ABR: variants seen among roughly 807,000 people sequenced by gnomAD.
ABR encodes active breakpoint cluster region-related protein.
Under a neutral mutation model 107.2 loss-of-function variants are expected in ABR, and 35 were observed. The ratio of observed to expected loss-of-function variants is 0.33; its 90% CI spans 0.25 to 0.43. ABR has a LOEUF of 0.43. Among genes scored for constraint, ABR ranks in the 20% least tolerant of loss-of-function variants. The pLI, the probability that ABR is intolerant of heterozygous loss-of-function variation, is 1.00. For missense variants in ABR, 815 were observed against 1,115.2 expected (o/e 0.73, Z 3.83); for synonymous variants, 498 against 462.0 (o/e 1.08, Z -1.00).
chr17:1,016,286 T>C (rs2071147856), intron 16 of ABR, among the ~76,000 whole-genome samples: 1 of 152,020 alleles, frequency 6.6e-6, no homozygotes, highest in Non-Finnish European at 1.5e-5. Context: ...CACTAGAGTC[T>C]TTTACTTTCT....
At chr17:1,093,863 A>T (rs1446111221) in intron 3 of ABR, among the ~76,000 whole-genome samples, 1 of 152,172 alleles carries the variant, frequency 6.6e-6, no homozygotes. Flanking sequence ...AGACACCCAG[A>T]TGGTGCTCTG....
At position 1,148,988 on chromosome 17, in the gene ABR, G is replaced by T. The variant is rs954732937; in HGVS notation, c.62-23621C>A. 6.6e-6 allele frequency among the ~76,000 whole-genome samples: 1 copy of T among 150,922 alleles called. No individual in the cohort carries two copies. The highest frequency in any genetic ancestry group is 6.6e-5 in the Admixed American group (1 of 15,160). On this transcript the variant is annotated intron_variant, in intron 1 of 22. Transcript: ENST00000302538. This position sits in a 1 kb window ranked among gnomAD's most constrained non-coding sequence, Gnocchi z 4.9. ...GCCATCTCGGCTCACTGCAAGCTCC[G>T]CCTCCTGGGTTCACGCCATTCTCCT...
intron 16 of ABR, among the ~76,000 whole-genome samples, chr17:1,018,606 CG>C (rs959347614): frequency 2.6e-5 from 4 of 151,872 alleles, no homozygotes; most frequent in African/African-American, 7.3e-5. Context: ...ACAACCTGGT[CG>C]GGGGGAGTGT....
intron 1 of ABR, among the ~76,000 whole-genome samples, chr17:1,175,877 G>T (rs1441627118): frequency 6.6e-6 from 1 of 152,094 alleles, no homozygotes; most frequent in African/African-American, 2.4e-5. Flanking sequence ...GGATCACGAG[G>T]TCAGGAGATC....
intron 1 of ABR, among the ~76,000 whole-genome samples, chr17:1,142,868 C>T (rs1013661624): frequency 6.6e-6 from 1 of 152,186 alleles, no homozygotes; most frequent in Non-Finnish European, 1.5e-5. Context: ...GACAGCGCCA[C>T]CCTCACCCCG....
chr17:1,045,398 TC>T (rs1354501395), intron 16 of ABR, among the ~76,000 whole-genome samples: 1 of 125,650 alleles, frequency 8.0e-6, no homozygotes, highest in Non-Finnish European at 1.8e-5. Context: ...AGCAGGACAA[TC>T]TTCCGTCTTC....
At chr17:1,175,230 G>A (rs2041876128) in intron 1 of ABR, among the ~76,000 whole-genome samples, 1 of 152,100 alleles carries the variant, frequency 6.6e-6, no homozygotes, top group Admixed American at 6.5e-5. Flanking sequence ...TGGCCAACAT[G>A]GTGAAACCCC....
At chr17:1,090,059 A>C (rs2036914461) in intron 4 of ABR, among the ~76,000 whole-genome samples, 1 of 152,220 alleles carries the variant, frequency 6.6e-6, no homozygotes, top group African/African-American at 2.4e-5. Context: ...CAAGGCCTGC[A>C]TTTGGCGACT....
intron 4 of ABR, among the ~76,000 whole-genome samples, chr17:1,087,803 A>G (rs1471882260): frequency 6.6e-6 from 1 of 152,160 alleles, no homozygotes; most frequent in Non-Finnish European, 1.5e-5. Flanking sequence ...CCCTCCCAGG[A>G]GCCAGGGGCA....
chr17:1,169,537 G>A lies in ABR; in HGVS notation c.61+10130C>T, dbSNP rs530188324. Among the ~76,000 whole-genome samples, 4 of 152,340 alleles carry A rather than the reference G, an allele frequency of 2.6e-5. No homozygotes were observed. The South Asian group carries it at 8.3e-4, about 32-fold the overall frequency. ...TGATTTGAAGTCCCAGCCAAAGGGG[G>A]CTCCGCTAAGGTGTAAGCCCCCCAG... is the stretch of plus-strand genomic sequence containing the variant. On this transcript the variant is annotated intron_variant, in intron 1 of 22. Transcript: ENST00000302538.
chr17:1,063,469 ACGC>A (rs2034299882), intron 10 of ABR, among the ~76,000 whole-genome samples: 1 of 148,936 alleles, frequency 6.7e-6, no homozygotes, highest in Non-Finnish European at 1.5e-5. Context: ...GTTCCTCTAG[ACGC>A]TGTTGTTATG....
chr17:1,031,421 C>CCAGG (rs2072736997), intron 16 of ABR, among the ~76,000 whole-genome samples: 1 of 152,048 alleles, frequency 6.6e-6, no homozygotes, highest in African/African-American at 2.4e-5. Flanking sequence ...GCGGCCCCAG[C>CCAGG]GTTCGCCATC....
At chr17:1,226,805 GTGTGTGTGTA>G (rs2043230443) in intron 1 of ABR, among the ~76,000 whole-genome samples, 1 of 151,602 alleles carries the variant, frequency 6.6e-6, no homozygotes, top group East Asian at 1.9e-4. Context: ...ACGTGTGCAG[GTGTGTGTGTA>G]TATGTGTGCA....
rs114006238 is a variant in ABR at position 1,046,555 on chromosome 17, T to G, written c.1791+3495A>C. Among the ~76,000 whole-genome samples the G allele has an allele frequency of 2.1e-3, 314 of 152,310 alleles. 1 individual carries two copies. Among genetic ancestry groups the G allele is most frequent in the African/African-American group, 7.2e-3 (299 of 41,586 alleles). ...CTCTTTCCCGCACGTGCTCCTCTCC[T>G]TCCTCCCAGGGGCACCAGGCACAAG... On this transcript the variant is annotated intron_variant, in intron 16 of 22. Coordinates refer to ENST00000302538, the MANE Select transcript of ABR (RefSeq NM_021962.5).
chr17:1,185,087 C>G (rs2042245855), intron 1 of ABR: 1 of 152,164 alleles, frequency 6.6e-6, no homozygotes, highest in Non-Finnish European at 1.5e-5. Context: ...TGAAGTTAAA[C>G]TCAGGGAGGA....
intron 16 of ABR, among the ~76,000 whole-genome samples, chr17:1,023,274 G>C (rs2071870354): frequency 6.6e-6 from 1 of 152,250 alleles, no homozygotes; most frequent in South Asian, 2.1e-4. Flanking sequence ...CTGACCTTGA[G>C]GAGAAGCAGA....
At chr17:1,143,718 GC>G (rs1161777984) in intron 1 of ABR, among the ~76,000 whole-genome samples, 2 of 152,100 alleles carry the variant, frequency 1.3e-5, no homozygotes, top group African/African-American at 4.8e-5. Context: ...GACCGTAGCC[GC>G]CTGGAGAAGT....
chr17:1,179,558 T>C lies in ABR; in HGVS notation c.61+109A>G, dbSNP rs2042047303. On this transcript the variant is annotated intron_variant, in intron 1 of 22. Coordinates refer to ENST00000302538, the MANE Select transcript of ABR (RefSeq NM_021962.5). The surrounding 1 kb of genome is among the most constrained non-coding windows in gnomAD (Gnocchi z 4.9). ...GCGCTCCCCGGACCAGCCCGGTGCC[T>C]GGGTCCCGATCCCGATCTTGGGGTC... 9 of 1,202,720 alleles carry C rather than the reference T, an allele frequency of 7.5e-6. No homozygotes were observed. Among genetic ancestry groups the C allele is most frequent in the Non-Finnish European group, 9.8e-6 (9 of 916,662 alleles). The allele number at this position is 1,202,720 out of a possible 1,614,324, so 74.5% of individuals were successfully genotyped here. A position where few individuals can be genotyped will look rare whatever the true frequency, so the allele number is the denominator to read the frequency against.
intron 16 of ABR, among the ~76,000 whole-genome samples, chr17:1,029,091 G>A (rs1209775564): frequency 7.8e-6 from 1 of 128,416 alleles, no homozygotes; most frequent in Non-Finnish European, 1.6e-5. Flanking sequence ...CTACTTGAGT[G>A]TGATTTGAGG....
Sources: allele counts gnomAD v4.1 joint callset (sites outside exome capture counted in the v4.1 genomes callset), GRCh38; gene constraint gnomAD v4.1.1; non-coding constraint Gnocchi (gnomAD v3.1); transcripts MANE v1.5; gene names NCBI Gene and HGNC (gene_info 2026-07-23, HGNC 2026-07-21).